The following NTM variants were observed in gnomAD, a reference collection of about 807,000 sequenced individuals.
NTM encodes the protein IgLON family member 2.
NTM carries 13 observed loss-of-function variants against 42.1 expected under a neutral mutation model. The observed-to-expected ratio is 0.31, with a 90% confidence interval of 0.20 to 0.49. The LOEUF is 0.49. NTM is among the 20% of genes least tolerant of loss of function. The pLI, the probability that NTM is intolerant of heterozygous loss-of-function variation, is 0.99. For missense variants in NTM, 373 were observed against 452.8 expected (o/e 0.82, Z 1.60); for synonymous variants, 187 against 179.2 (o/e 1.04, Z -0.35).
chr11:131,690,047 A>G (rs546830920), intron 1 of NTM, among the ~76,000 whole-genome samples: 1 of 152,264 alleles, frequency 6.6e-6, no homozygotes, highest in African/African-American at 2.4e-5. Context: ...TGAATTCATG[A>G]TGAGATCTCA....
intron 2 of NTM, among the ~76,000 whole-genome samples, chr11:132,126,229 A>C (rs145066689): frequency 0.015 from 2,282 of 152,242 alleles, 31 homozygotes; most frequent in Non-Finnish European, 0.023. Flanking sequence ...AACGCTGTGA[A>C]CAATAGCAGG....
At chr11:131,804,210 C>T (rs938888910) in intron 1 of NTM, among the ~76,000 whole-genome samples, 1 of 152,210 alleles carries the variant, frequency 6.6e-6, no homozygotes, top group African/African-American at 2.4e-5. Flanking sequence ...TTGCCCTACA[C>T]ACCTCTGCTA....
rs566021733 is a variant in NTM, at chr11:131,373,011, T to A, written c.82+2123T>A. 1.5e-3 allele frequency among the ~76,000 whole-genome samples: 236 copies of A among 152,268 alleles called. 3 individuals carry two copies. The South Asian group carries it at 0.017, about 11-fold the overall frequency. ...ATCCGGAATTTCTCAAAAAGAATGA[T>A]GGCCTTATTTGTGCTACCCTCACCC... On this transcript the variant is annotated intron_variant, in intron 1 of 8. Transcript: ENST00000683400.
At chr11:131,590,707 G>A (rs76619656) in intron 1 of NTM, among the ~76,000 whole-genome samples, 5,542 of 152,318 alleles carry the variant, frequency 0.036, 292 homozygotes, top group African/African-American at 0.12. Flanking sequence ...TCATCTGCAT[G>A]GCAATTGATG....
intron 1 of NTM, among the ~76,000 whole-genome samples, chr11:131,480,803 G>A (rs1245509113): frequency 6.6e-6 from 1 of 151,964 alleles, no homozygotes; most frequent in Non-Finnish European, 1.5e-5. Context: ...GTGGGGGTGG[G>A]GGAAACTCAT....
chr11:132,049,516 C>T (rs2078545089), intron 2 of NTM, among the ~76,000 whole-genome samples: 1 of 152,200 alleles, frequency 6.6e-6, no homozygotes, highest in African/African-American at 2.4e-5. Context: ...TCAGCTCCTC[C>T]AACACACACT....
chr11:132,223,993 C>T lies in NTM; in HGVS notation c.526+11846C>T, dbSNP rs528189315. Among the ~76,000 whole-genome samples, 11 of 152,174 alleles carry T rather than the reference C, an allele frequency of 7.2e-5. No homozygotes were observed. In the East Asian group the frequency reaches 1.7e-3, roughly 24 times the overall value. Reference sequence around the variant, plus strand: ...GCTGTGAGCCAAGTGTCAAAGCCCTCGATGAATCTTGAGGGACTCAGGATA... The same window carrying T: ...GCTGTGAGCCAAGTGTCAAAGCCCTTGATGAATCTTGAGGGACTCAGGATA... On this transcript the variant is annotated intron_variant, in intron 4 of 8. Transcript: ENST00000683400.
intron 1 of NTM, among the ~76,000 whole-genome samples, chr11:131,562,559 G>C (rs2056375498): frequency 6.6e-6 from 1 of 151,818 alleles, no homozygotes; most frequent in African/African-American, 2.4e-5. Context: ...AGAGACCATG[G>C]CATGTCATGA....
chr11:132,290,978 GGAAAATGTGAGGAAGAAA>G (rs2094437424), intron 4 of NTM, among the ~76,000 whole-genome samples: 1 of 152,108 alleles, frequency 6.6e-6, no homozygotes, highest in South Asian at 2.1e-4. Flanking sequence ...ACCACATGTG[GGAAAATGTGAGGAAGAAA>G]TGATAAGGAA....
intron 1 of NTM, among the ~76,000 whole-genome samples, chr11:131,836,031 C>T (rs1473871614): frequency 6.6e-6 from 1 of 152,060 alleles, no homozygotes; most frequent in Non-Finnish European, 1.5e-5. Flanking sequence ...AAAGTCAGGC[C>T]AGTGCTACTT....
intron 2 of NTM, among the ~76,000 whole-genome samples, chr11:132,000,757 A>T (rs569958820): frequency 1.3e-5 from 2 of 152,370 alleles, no homozygotes; most frequent in East Asian, 3.9e-4. Context: ...GAGATAAATA[A>T]GAAATAGTCT....
intron 1 of NTM, among the ~76,000 whole-genome samples, chr11:131,460,764 G>A (rs1307406145): frequency 6.6e-6 from 1 of 152,120 alleles, no homozygotes; most frequent in Non-Finnish European, 1.5e-5. Flanking sequence ...ATGTTGGCCA[G>A]GCTGGTCTCA....
intron 1 of NTM, among the ~76,000 whole-genome samples, chr11:131,855,005 G>A (rs998010634): frequency 1.3e-5 from 2 of 152,130 alleles, no homozygotes; most frequent in Non-Finnish European, 1.5e-5. Flanking sequence ...ATGAAGATGC[G>A]GATGTGTGGG....
intron 1 of NTM, among the ~76,000 whole-genome samples, chr11:131,465,475 A>G (rs1329248615): frequency 6.6e-6 from 1 of 152,112 alleles, no homozygotes; most frequent in African/African-American, 2.4e-5. Flanking sequence ...GGAGAAGGTC[A>G]TTCCTATGAC....
chr11:131,972,259 C>G (rs2063667727), intron 2 of NTM, among the ~76,000 whole-genome samples: 1 of 151,654 alleles, frequency 6.6e-6, no homozygotes, highest in East Asian at 1.9e-4. Context: ...ATAAAGTTAC[C>G]TTCTTCATAG....
At position 131,721,996 on chromosome 11, in the gene NTM, CAA is replaced by C. The variant is rs71475771; in HGVS notation, c.83-189543_83-189542del. Among the ~76,000 whole-genome samples the C allele has an allele frequency of 1.4e-3, 14 of 10,284 alleles. 3 individuals are homozygous for C. The highest frequency in any genetic ancestry group is 3.4e-3 in the South Asian group (1 of 296). 6.7% of individuals were successfully genotyped at this position (10,284 alleles called of 152,430 possible). A position where few individuals can be genotyped will look rare whatever the true frequency, so the allele number is the denominator to read the frequency against. On this transcript the variant is annotated intron_variant, in intron 1 of 8. Transcript: ENST00000683400. ...CCAGGACAAGAGTGAAACTCTGTCT[CAA>C]AAAAAAAAAAAAAAAAAAAAAAAAG...
intron 4 of NTM, among the ~76,000 whole-genome samples, chr11:132,268,634 TG>T (rs2093328178): frequency 6.7e-6 from 1 of 148,902 alleles, no homozygotes; most frequent in African/African-American, 2.5e-5. Flanking sequence ...TGTGTGTGTA[TG>T]TGTGTGTTTG....
chr11:131,851,931 T>A (rs1203571745), intron 1 of NTM, among the ~76,000 whole-genome samples: 1 of 152,164 alleles, frequency 6.6e-6, no homozygotes, highest in Non-Finnish European at 1.5e-5. Context: ...AAGCTTTTGG[T>A]CACTTTGCAT....
chr11:132,187,214 CGTGTGT>C (rs55849086), intron 3 of NTM, among the ~76,000 whole-genome samples: 64,886 of 148,302 alleles, frequency 0.44, 14,231 homozygotes, highest in Middle Eastern at 0.57. Flanking sequence ...GCTCAGATGG[CGTGTGT>C]GTGTGTGTGT....
Sources: gnomAD v4.1 joint callset for allele counts (sites outside exome capture counted in the v4.1 genomes callset) on GRCh38, gnomAD v4.1.1 for gene constraint, MANE v1.5 for transcripts, NCBI Gene and HGNC (gene_info 2026-07-23, HGNC 2026-07-21) for gene names.